DAPK1: variants seen among roughly 807,000 people sequenced by gnomAD.
DAPK1 encodes the protein death-associated protein kinase 1.
In DAPK1, 56 loss-of-function variants were observed where a neutral mutation model predicts 144.9. The observed-to-expected ratio is 0.39, with a 90% CI of 0.31 to 0.48. The LOEUF is 0.48. DAPK1 is among the 20% of genes least tolerant of loss of function. The pLI is 0.95. For missense variants in DAPK1, 1,454 were observed against 1,875.4 expected, an observed-to-expected ratio of 0.78 and a Z score of 4.15; for synonymous variants, 690 against 749.0, an observed-to-expected ratio of 0.92 and a Z score of 1.29.
chr9:87,517,866 G>C (rs1825121733), intron 2 of DAPK1, among the ~76,000 whole-genome samples: 1 of 152,092 alleles, frequency 6.6e-6, no homozygotes, highest in South Asian at 2.1e-4. Context: ...TTGTCCCAGT[G>C]TCATATTTTT....
intron 2 of DAPK1, among the ~76,000 whole-genome samples, chr9:87,568,701 G>A (rs1827223964): frequency 6.6e-6 from 1 of 152,184 alleles, no homozygotes; most frequent in Non-Finnish European, 1.5e-5. Context: ...CATGTACCTT[G>A]TGTGATGCAC....
chr9:87,640,282 A>G lies in DAPK1; in HGVS notation c.630-16A>G. On this transcript the variant is annotated splice_polypyrimidine_tract_variant and intron_variant, in intron 7 of 25. Coordinates refer to ENST00000408954, the MANE Select transcript of DAPK1 (RefSeq NM_004938.4). Reference sequence around the variant, plus strand: ...GGTCATCATTAATGTTCTATGCCCAACTTTATTTTTAACAGCCTAAGTGGG... The same window carrying G: ...GGTCATCATTAATGTTCTATGCCCAGCTTTATTTTTAACAGCCTAAGTGGG... 1.2e-6 allele frequency: 2 copies of G among 1,610,036 alleles called. No individual in the cohort carries two copies. The highest frequency in any genetic ancestry group is 1.7e-6 in the Non-Finnish European group (2 of 1,178,128).
intron 2 of DAPK1, among the ~76,000 whole-genome samples, chr9:87,534,104 CG>C (rs1020967981): frequency 4.0e-5 from 3 of 74,416 alleles, no homozygotes; most frequent in Non-Finnish European, 9.6e-5. Flanking sequence ...CAATTTCTTG[CG>C]ATTTTTTTTT....
chr9:87,690,596 C>T (rs1825019582), intron 21 of DAPK1, among the ~76,000 whole-genome samples: 1 of 151,978 alleles, frequency 6.6e-6, no homozygotes, highest in East Asian at 1.9e-4. Context: ...TATTTCAGAT[C>T]TTAAAGGAAA....
chr9:87,574,589 A>C (rs1827474285), intron 2 of DAPK1, among the ~76,000 whole-genome samples: 1 of 152,182 alleles, frequency 6.6e-6, no homozygotes, highest in Admixed American at 6.6e-5. Context: ...TGGAGTGCAA[A>C]TACAAGGAGA....
intron 3 of DAPK1, among the ~76,000 whole-genome samples, chr9:87,625,008 A>G (rs1829440953): frequency 6.6e-6 from 1 of 152,178 alleles, no homozygotes; most frequent in Non-Finnish European, 1.5e-5. Context: ...TCCCGAGACC[A>G]TCACCTGCAT....
intron 3 of DAPK1, among the ~76,000 whole-genome samples, chr9:87,621,952 C>A (rs11141916): frequency 0.014 from 2,098 of 152,028 alleles, 23 homozygotes; most frequent in Middle Eastern, 0.034. Flanking sequence ...CTTTTTCACA[C>A]GTTACCACCT....
chr9:87,508,697 A>G (rs1442156768), intron 2 of DAPK1, among the ~76,000 whole-genome samples: 1 of 152,214 alleles, frequency 6.6e-6, no homozygotes, highest in African/African-American at 2.4e-5. Flanking sequence ...GACCCACAGT[A>G]TAGAATTTTC....
chr9:87,500,086 A>G (rs1160265017), intron 2 of DAPK1, among the ~76,000 whole-genome samples: 2 of 152,210 alleles, frequency 1.3e-5, no homozygotes, highest in African/African-American at 4.8e-5. Flanking sequence ...TGATGTCCTG[A>G]TACAAAGCTT....
intron 18 of DAPK1, among the ~76,000 whole-genome samples, chr9:87,664,977 T>A (rs771714256): frequency 2.0e-5 from 3 of 152,232 alleles, no homozygotes; most frequent in Non-Finnish European, 2.9e-5. Flanking sequence ...TTGCTATTCT[T>A]GGGCCTGAGT....
In DAPK1 at chr9:87,531,550, C is replaced by A. The variant is rs945467142; in HGVS notation, c.62+32411C>A. On this transcript the variant is annotated intron_variant, in intron 2 of 25. Coordinates refer to ENST00000408954, the MANE Select transcript of DAPK1 (RefSeq NM_004938.4). ...CTGGCGTGTCTCAGACTGGTGCAAACCTGTGCTGCAATATTGACCTGAGGA... is the reference window on the plus strand; with the variant it reads ...CTGGCGTGTCTCAGACTGGTGCAAAACTGTGCTGCAATATTGACCTGAGGA... Among the ~76,000 whole-genome samples the A allele has an allele frequency of 3.3e-5, 5 of 152,208 alleles. No individual in the cohort carries two copies. The South Asian group carries it at 1.0e-3, about 32-fold the overall frequency.
intron 2 of DAPK1, among the ~76,000 whole-genome samples, chr9:87,566,098 G>C (rs1179153922): frequency 6.7e-6 from 1 of 148,500 alleles, no homozygotes; most frequent in African/African-American, 2.5e-5. Flanking sequence ...TTGGCTCACT[G>C]CAAGCTCCGC....
chr9:87,706,703 T>C lies in DAPK1; in HGVS notation c.3632T>C (p.Leu1211Pro). Residue 1211 changes from leucine to proline, a missense_variant, in exon 26 of 26, where the codon CTG becomes CCG. Around this residue, in one of 2 missense-constraint regions of DAPK1, gnomAD observed 1,025 missense variants for 1,237.9 expected, o/e 0.83. Coordinates refer to ENST00000408954, the MANE Select transcript of DAPK1 (RefSeq NM_004938.4). The surrounding 1 kb of genome is among the most constrained non-coding windows in gnomAD (Gnocchi z 9.0). ...LETEKIKCCLLLDSVCSTIEN... is the reference protein window; with the variant it reads ...LETEKIKCCLPLDSVCSTIEN... ...ACGGAGAAGATCAAGTGCTGCCTGC[T>C]GCTGGACTCGGTGTGCAGCACCATT... is the stretch of plus-strand genomic sequence containing the variant. 1.9e-6 allele frequency: 3 copies of C among 1,612,672 alleles called. No homozygotes were observed. The highest frequency in any genetic ancestry group is 2.5e-6 in the Non-Finnish European group (3 of 1,179,362).
chr9:87,615,336 G>A (rs376287659), intron 3 of DAPK1, among the ~76,000 whole-genome samples: 5 of 152,162 alleles, frequency 3.3e-5, no homozygotes, highest in Non-Finnish European at 7.3e-5. Flanking sequence ...CAGCGGGACC[G>A]CTGGGAATAT....
intron 2 of DAPK1, among the ~76,000 whole-genome samples, chr9:87,548,767 A>G (rs990730492): frequency 2.0e-5 from 3 of 152,206 alleles, no homozygotes; most frequent in African/African-American, 7.2e-5. Flanking sequence ...GCTGCACTGT[A>G]CCTGAGGTTC....
chr9:87,534,940 C>G lies in DAPK1; in HGVS notation c.62+35801C>G, dbSNP rs533685166. On this transcript the variant is annotated intron_variant, in intron 2 of 25. Coordinates refer to ENST00000408954, the MANE Select transcript of DAPK1 (RefSeq NM_004938.4). ...GATTACAGGGATGAGCCACCCCGTC[C>G]GATTCTTGATTTATTTTCTGTAATT... Among the ~76,000 whole-genome samples the G allele has an allele frequency of 3.9e-5, 6 of 152,036 alleles. No homozygotes were observed. The South Asian group carries it at 1.2e-3, about 32-fold the overall frequency.
chr9:87,552,886 C>T (rs754180102), intron 2 of DAPK1, among the ~76,000 whole-genome samples: 3 of 152,082 alleles, frequency 2.0e-5, no homozygotes, highest in Non-Finnish European at 2.9e-5. Context: ...AGGTGTGAGC[C>T]ATTGAGCCTG....
At chr9:87,544,051 A>T (rs967681008) in intron 2 of DAPK1, among the ~76,000 whole-genome samples, 3 of 152,198 alleles carry the variant, frequency 2.0e-5, no homozygotes, top group Non-Finnish European at 4.4e-5. Context: ...ACACACATGA[A>T]TAAGTATATA....
At chr9:87,674,091 C>G (rs1158287175) in intron 19 of DAPK1, among the ~76,000 whole-genome samples, 2 of 152,182 alleles carry the variant, frequency 1.3e-5, no homozygotes, top group Non-Finnish European at 2.9e-5. Flanking sequence ...TTACTATAAT[C>G]ACTGCAAGTT....
Sources: gnomAD v4.1 joint callset for allele counts (sites outside exome capture counted in the v4.1 genomes callset) on GRCh38, gnomAD v4.1.1 for gene constraint, gnomAD v4.1.1 regional missense constraint, Gnocchi (gnomAD v3.1) non-coding constraint, MANE v1.5 for transcripts, NCBI Gene and HGNC (gene_info 2026-07-23, HGNC 2026-07-21) for gene names.